The following PCDHA5 variants were observed in gnomAD, a reference collection of about 807,000 sequenced individuals.
PCDHA5 encodes protocadherin alpha-5.
A neutral mutation model predicts 61.6 loss-of-function variants in PCDHA5; 43 were observed. The observed-to-expected ratio is 0.70, with a 90% CI of 0.55 to 0.90. PCDHA5 has a LOEUF of 0.90. PCDHA5 is among the 40% of genes least tolerant of loss of function. The pLI is 0.00. For missense variants in PCDHA5, 1,298 were observed against 1,222.7 expected (o/e 1.06, Z -0.92); for synonymous variants, 627 against 543.9 (o/e 1.15, Z -2.13).
chr5:140,833,118 A>G (rs1296714112), intron 1 of PCDHA5, among the ~76,000 whole-genome samples: 1 of 152,250 alleles, frequency 6.6e-6, no homozygotes, highest in African/African-American at 2.4e-5. Flanking sequence ...CTTCAAAGTC[A>G]TTTGAAAGCT....
intron 1 of PCDHA5, chr5:140,849,341 C>G: frequency 7.1e-7 from 1 of 1,407,916 alleles, no homozygotes; most frequent in African/African-American, 1.6e-5. Flanking sequence ...ACTCCTTCTC[C>G]AGTGATGTTT....
intron 2 of PCDHA5, among the ~76,000 whole-genome samples, chr5:140,981,165 T>C (rs1411910974): frequency 6.6e-6 from 1 of 152,250 alleles, no homozygotes; most frequent in Non-Finnish European, 1.5e-5. Flanking sequence ...ATATGTTGCC[T>C]TCCCTCTAAT....
chr5:140,941,251 CTT>C (rs1177440606), intron 1 of PCDHA5, among the ~76,000 whole-genome samples: 1 of 121,786 alleles, frequency 8.2e-6, no homozygotes, highest in African/African-American at 3.1e-5. Flanking sequence ...TTCTTTCTTT[CTT>C]TCTCTTTCTT....
In PCDHA5 at chr5:140,904,839, ATCT is replaced by A. The variant is rs1480252178; in HGVS notation, c.2353-74103_2353-74101del. 4.1e-4 allele frequency among the ~76,000 whole-genome samples: 62 copies of A among 152,040 alleles called. No individual in the cohort carries two copies. The East Asian group carries it at 6.4e-3, about 16-fold the overall frequency. Reference sequence around the variant, plus strand: ...TTGAGCATTTTTTTATATGTTTCATATCTTCTTCTGAGAATTGTCTGTTTATGT... The same window carrying A: ...TTGAGCATTTTTTTATATGTTTCATATCTTCTGAGAATTGTCTGTTTATGT... On this transcript the variant is annotated intron_variant, in intron 1 of 3. Coordinates refer to ENST00000529859, the MANE Select transcript of PCDHA5 (RefSeq NM_018908.3).
At chr5:140,829,389 C>T (rs1770271281) in intron 1 of PCDHA5, 3 of 1,614,192 alleles carry the variant, frequency 1.9e-6, no homozygotes, top group Non-Finnish European at 2.5e-6. Flanking sequence ...GGGGGCTCGC[C>T]TTCGCTGTGG....
At chr5:140,996,596 C>G (rs1343501273) in intron 3 of PCDHA5, among the ~76,000 whole-genome samples, 1 of 152,156 alleles carries the variant, frequency 6.6e-6, no homozygotes. Flanking sequence ...CCGCCTCCCC[C>G]CATTTTCATT....
chr5:140,850,295 C>T (rs2150478300), intron 1 of PCDHA5: 1 of 1,596,420 alleles, frequency 6.3e-7, no homozygotes, highest in South Asian at 1.1e-5. Flanking sequence ...TGGACGCCGA[C>T]TCGGGCTACA....
In PCDHA5 at chr5:140,823,947, G is replaced by A; in HGVS notation, c.2172G>A (p.Ala724=). The A allele has an allele frequency of 6.2e-7, 1 of 1,613,980 alleles. No homozygotes were observed. Among genetic ancestry groups the A allele is most frequent in the South Asian group, 1.1e-5 (1 of 91,062 alleles). ...TGTACACCGCGCTGCGGTGCTCGGC[G>A]CAGCCCACCGAGGCCGTGTGCACAC... ...LLLYTALRCS[A]QPTEAVCTRG... The change falls in exon 1 of 4, where the codon GCG becomes GCA. Residue 724 remains alanine, a synonymous_variant. Coordinates refer to ENST00000529859, the MANE Select transcript of PCDHA5 (RefSeq NM_018908.3).
chr5:140,928,939 T>C (rs367874769), intron 1 of PCDHA5: 1 of 1,614,130 alleles, frequency 6.2e-7, no homozygotes, highest in Non-Finnish European at 8.5e-7. Context: ...CCAGAACTTG[T>C]ATTTAGTAAT....
At chr5:140,966,097 C>T (rs1215509140) in intron 1 of PCDHA5, 2 of 154,754 alleles carry the variant, frequency 1.3e-5, no homozygotes, top group Non-Finnish European at 2.9e-5. Flanking sequence ...GTTAGATCCG[C>T]CGCCTGGGTG....
At chr5:140,882,076 G>T in intron 1 of PCDHA5, 1 of 920,546 alleles carries the variant, frequency 1.1e-6, no homozygotes. Flanking sequence ...TGCGCATGGT[G>T]TCGCTCTTCA....
chr5:140,949,924 A>AT (rs144693243), intron 1 of PCDHA5, among the ~76,000 whole-genome samples: 6 of 151,302 alleles, frequency 4.0e-5, no homozygotes, highest in African/African-American at 7.3e-5. Context: ...CTATTTTTAG[A>AT]TTTTTTTTAA....
intron 1 of PCDHA5, among the ~76,000 whole-genome samples, chr5:140,978,570 G>C (rs151127662): frequency 6.6e-6 from 1 of 152,196 alleles, no homozygotes; most frequent in Middle Eastern, 3.2e-3. Flanking sequence ...CTGTAATACT[G>C]AATTGGGAAT....
chr5:140,969,019 G>A (rs782394566), intron 1 of PCDHA5: 61 of 1,614,046 alleles, frequency 3.8e-5, no homozygotes, highest in Non-Finnish European at 4.7e-5. Flanking sequence ...TAAGGGAAAG[G>A]TCCCCTGCAG....
chr5:140,833,092 G>A (rs1772292108), intron 1 of PCDHA5, among the ~76,000 whole-genome samples: 1 of 152,166 alleles, frequency 6.6e-6, no homozygotes, highest in African/African-American at 2.4e-5. Flanking sequence ...AGTACTAGAC[G>A]AGTAATTTTG....
At chr5:140,980,173 G>GA (rs2096879198) in intron 2 of PCDHA5, among the ~76,000 whole-genome samples, 1 of 152,162 alleles carries the variant, frequency 6.6e-6, no homozygotes, top group Non-Finnish European at 1.5e-5. Flanking sequence ...GGTATCAGAA[G>GA]AAATTCTTTA....
chr5:140,856,635 G>A (rs1341590061), intron 1 of PCDHA5: 5 of 1,597,884 alleles, frequency 3.1e-6, no homozygotes, highest in South Asian at 1.1e-5. Context: ...CTTGTTCTGC[G>A]GAAGCTGCTG....
At chr5:140,842,539 G>T (rs182995378) in intron 1 of PCDHA5, 7 of 1,610,436 alleles carry the variant, frequency 4.3e-6, no homozygotes, top group African/African-American at 1.3e-5. Context: ...ATTACTACTC[G>T]TTGGTGCTGG....
chr5:141,007,435 G>A (rs1342767950), intron 3 of PCDHA5, among the ~76,000 whole-genome samples: 1 of 150,972 alleles, frequency 6.6e-6, no homozygotes, highest in Non-Finnish European at 1.5e-5. Flanking sequence ...AGGCATGGTG[G>A]CATGTGCCTG....
Sources: gnomAD v4.1 joint callset for allele counts (sites outside exome capture counted in the v4.1 genomes callset) on GRCh38, gnomAD v4.1.1 for gene constraint, MANE v1.5 for transcripts, NCBI Gene and HGNC (gene_info 2026-07-23, HGNC 2026-07-21) for gene names.